NRG3: variants seen among roughly 807,000 people sequenced by gnomAD.
NRG3 encodes the protein neuregulin 3.
NRG3 carries 31 observed loss-of-function variants against 66.9 expected under a neutral mutation model. The observed-to-expected ratio is 0.46, with a 90% CI of 0.35 to 0.63. NRG3 has a LOEUF of 0.63. Among genes scored for constraint, NRG3 ranks in the 20% least tolerant of loss-of-function variants. NRG3 has a pLI of 0.00. For synonymous variants in NRG3, 393 were observed against 359.4 expected (o/e 1.09, Z -1.06); for missense variants, 910 against 878.9 (o/e 1.04, Z -0.45).
intron 3 of NRG3, among the ~76,000 whole-genome samples, chr10:82,832,088 G>A (rs1167538121): frequency 3.3e-5 from 5 of 152,180 alleles, no homozygotes; most frequent in Admixed American, 6.5e-5. Context: ...AGTGGGAGCC[G>A]TTGCTGGAGA....
chr10:82,546,290 T>C (rs2043910380), intron 2 of NRG3, among the ~76,000 whole-genome samples: 1 of 152,232 alleles, frequency 6.6e-6, no homozygotes. Context: ...TAGATTTCTT[T>C]GTTCATCTCT....
At chr10:81,909,282 A>G (rs1249323923) in intron 1 of NRG3, among the ~76,000 whole-genome samples, 3 of 151,346 alleles carry the variant, frequency 2.0e-5, no homozygotes, top group South Asian at 2.1e-4. Flanking sequence ...GGCCCATTCT[A>G]CTCCAGTCTG....
chr10:82,560,849 G>T (rs1370773531), intron 2 of NRG3, among the ~76,000 whole-genome samples: 1 of 151,612 alleles, frequency 6.6e-6, no homozygotes, highest in Non-Finnish European at 1.5e-5. Flanking sequence ...TTTATGTATT[G>T]AAATAATTAT....
intron 1 of NRG3, among the ~76,000 whole-genome samples, chr10:82,339,912 G>A (rs997251211): frequency 6.6e-6 from 1 of 151,990 alleles, no homozygotes; most frequent in Non-Finnish European, 1.5e-5. Context: ...GTGGGGGCTG[G>A]AGATATAAGA....
intron 1 of NRG3, among the ~76,000 whole-genome samples, chr10:82,219,631 A>G (rs538716950): frequency 6.6e-6 from 1 of 152,080 alleles, no homozygotes; most frequent in Non-Finnish European, 1.5e-5. Context: ...CTAGAACCTC[A>G]CTTGTCTTAA....
intron 2 of NRG3, among the ~76,000 whole-genome samples, chr10:82,553,101 T>C (rs775282759): frequency 4.6e-5 from 7 of 151,906 alleles, no homozygotes; most frequent in Non-Finnish European, 1.0e-4. Flanking sequence ...TTACAACAAA[T>C]AGCAGTGCTT....
intron 3 of NRG3, among the ~76,000 whole-genome samples, chr10:82,815,978 C>T (rs1390122345): frequency 6.6e-6 from 1 of 152,148 alleles, no homozygotes. Flanking sequence ...ACATGTGGTA[C>T]ATGTGGCATG....
At chr10:82,531,553 A>G (rs1255680822) in intron 2 of NRG3, among the ~76,000 whole-genome samples, 1 of 151,842 alleles carries the variant, frequency 6.6e-6, no homozygotes, top group Non-Finnish European at 1.5e-5. Flanking sequence ...ATTAATAAAC[A>G]GTTATTTTTA....
intron 2 of NRG3, among the ~76,000 whole-genome samples, chr10:82,378,009 G>T (rs2085364938): frequency 6.6e-6 from 1 of 152,196 alleles, no homozygotes; most frequent in Admixed American, 6.5e-5. Flanking sequence ...CTAATATTTG[G>T]ATAACCAGTG....
chr10:82,086,989 G>A (rs1398619656), intron 1 of NRG3, among the ~76,000 whole-genome samples: 1 of 152,106 alleles, frequency 6.6e-6, no homozygotes, highest in Non-Finnish European at 1.5e-5. Flanking sequence ...GAAAGGCAGG[G>A]CTATCAATTT....
chr10:82,633,111 A>G (rs1448154249), intron 2 of NRG3, among the ~76,000 whole-genome samples: 2 of 152,212 alleles, frequency 1.3e-5, no homozygotes, highest in Non-Finnish European at 2.9e-5. Flanking sequence ...TAAGCAAGAA[A>G]TGAAGAGGTC....
In NRG3 at chr10:82,836,868, A is replaced by G. The variant is rs144375224; in HGVS notation, c.1028-28543A>G. 9.8e-3 allele frequency among the ~76,000 whole-genome samples: 1,472 copies of G among 149,524 alleles called. 19 individuals carry two copies. The highest frequency in any genetic ancestry group is 0.015 in the Non-Finnish European group (994 of 67,720). On this transcript the variant is annotated intron_variant, in intron 3 of 8. Transcript: ENST00000372141. ...TAACTCATCATTTAACATTAGGTATATCTCCTAATGTTATCCCTCCCCACT... is the reference window on the plus strand; with the variant it reads ...TAACTCATCATTTAACATTAGGTATGTCTCCTAATGTTATCCCTCCCCACT...
chr10:82,022,445 C>G (rs1228656171), intron 1 of NRG3, among the ~76,000 whole-genome samples: 2 of 151,990 alleles, frequency 1.3e-5, no homozygotes, highest in Non-Finnish European at 2.9e-5. Context: ...CTCTGCTCAT[C>G]CAAAAAGTCT....
chr10:82,643,904 CCACACA>C (rs3040199), intron 2 of NRG3, among the ~76,000 whole-genome samples: 4 of 149,988 alleles, frequency 2.7e-5, no homozygotes, highest in Admixed American at 6.7e-5. Context: ...ACACACACAC[CCACACA>C]CACACACACA....
intron 2 of NRG3, among the ~76,000 whole-genome samples, chr10:82,514,982 G>T (rs945732935): frequency 2.6e-5 from 4 of 152,058 alleles, no homozygotes; most frequent in African/African-American, 9.7e-5. Flanking sequence ...ATGCCAAGTT[G>T]TTTTCCAAAG....
At chr10:82,963,003 A>C (rs78435400) in intron 6 of NRG3, among the ~76,000 whole-genome samples, 3,519 of 152,326 alleles carry the variant, frequency 0.023, 52 homozygotes, top group Admixed American at 0.032. Context: ...GAATACAAAC[A>C]GAAGAAGTGG....
chr10:82,231,090 CCCAGGACTTTGGGAGG>C (rs1324172779), intron 1 of NRG3, among the ~76,000 whole-genome samples: 5 of 152,096 alleles, frequency 3.3e-5, no homozygotes, highest in African/African-American at 1.2e-4. Flanking sequence ...TGCCTGTAAT[CCCAGGACTTTGGGAGG>C]CCGAGGAGGG....
intron 2 of NRG3, among the ~76,000 whole-genome samples, chr10:82,655,192 T>C (rs1296098287): frequency 6.6e-6 from 1 of 152,102 alleles, no homozygotes; most frequent in Non-Finnish European, 1.5e-5. Context: ...ATAAAATGAT[T>C]TGTATACTTT....
Position 82,568,176 on chromosome 10 carries a change from G to A in NRG3, c.954-170401G>A, listed in dbSNP as rs115264622. On this transcript the variant is annotated intron_variant, in intron 2 of 8. Transcript: ENST00000372141. ...TACCCTTCATTGCTGGATCATGGAA[G>A]CTTCTAGGAGTATTCTTGATAAGGA... Among the ~76,000 whole-genome samples, 638 of 151,944 alleles carry A rather than the reference G, an allele frequency of 4.2e-3. 5 individuals are homozygous for A. Among genetic ancestry groups the A allele is most frequent in the African/African-American group, 0.014 (599 of 41,496 alleles).
Sources: allele counts gnomAD v4.1 joint callset (sites outside exome capture counted in the v4.1 genomes callset), GRCh38; gene constraint gnomAD v4.1.1; transcripts MANE v1.5; gene names NCBI Gene and HGNC (gene_info 2026-07-23, HGNC 2026-07-21).